RAB22A: variants seen among roughly 807,000 people sequenced by gnomAD.
The protein encoded by RAB22A is ras-related protein Rab-22A.
A neutral mutation model predicts 30.2 loss-of-function variants in RAB22A; 13 were observed. The observed-to-expected ratio is 0.43, with a 90% CI of 0.28 to 0.68. The LOEUF is 0.68. Ranked by LOEUF, RAB22A falls within the 30% of genes least tolerant of loss-of-function variation. The pLI is 0.18. For synonymous variants in RAB22A, 89 were observed against 87.2 expected, an observed-to-expected ratio of 1.02 and a Z score of -0.11; for missense variants, 177 against 246.8, an observed-to-expected ratio of 0.72 and a Z score of 1.89.
intron 2 of RAB22A, among the ~76,000 whole-genome samples, chr20:58,324,617 C>T (rs1004814695): frequency 6.6e-6 from 1 of 152,176 alleles, no homozygotes; most frequent in African/African-American, 2.4e-5. Flanking sequence ...GCCTGTAATC[C>T]CAGCACTTTG....
At chr20:58,344,734 G>A (rs111626487) in intron 3 of RAB22A, among the ~76,000 whole-genome samples, 1,763 of 152,330 alleles carry the variant, frequency 0.012, 14 homozygotes, top group Non-Finnish European at 0.018. Flanking sequence ...GATAGTGTGT[G>A]TAGTATGAAA....
intron 2 of RAB22A, among the ~76,000 whole-genome samples, chr20:58,335,412 A>G (rs575823816): frequency 2.6e-5 from 4 of 152,196 alleles, no homozygotes; most frequent in African/African-American, 9.7e-5. Context: ...ATCATGGTGC[A>G]GGTACTCAAT....
Position 58,362,642 on chromosome 20 carries a change from A to C in RAB22A, c.*2939A>C, listed in dbSNP as rs1034418057. The stretch of plus-strand genomic sequence containing the variant: ...TTTTCTGATTCTATGATAACTAATT[A>C]ACCATCATCTGGTGATTAAAAGAAC... On this transcript the variant is annotated 3_prime_UTR_variant, in exon 7 of 7. Transcript: ENST00000244040. 6 of 152,280 alleles carry C rather than the reference A, an allele frequency of 3.9e-5. No individual in the cohort carries two copies. Among genetic ancestry groups the C allele is most frequent in the Non-Finnish European group, 8.8e-5 (6 of 68,050 alleles). 9.4% of individuals were successfully genotyped at this position (152,280 alleles called of 1,614,324 possible).
At chr20:58,325,075 G>C (rs1166203332) in intron 2 of RAB22A, among the ~76,000 whole-genome samples, 2 of 147,732 alleles carry the variant, frequency 1.4e-5, no homozygotes, top group Non-Finnish European at 3.0e-5. Flanking sequence ...TACTCAGGAG[G>C]CTGAGGCAGG....
In RAB22A at chr20:58,365,015, G is replaced by A. The variant is rs565913936; in HGVS notation, c.*5312G>A. The A allele has an allele frequency of 3.9e-5, 6 of 152,266 alleles. No homozygotes were observed. Among genetic ancestry groups the A allele is most frequent in the South Asian group, 4.1e-4 (2 of 4,832 alleles). The allele number at this position is 152,266 out of a possible 1,614,324, so 9.4% of individuals were successfully genotyped here. On this transcript the variant is annotated 3_prime_UTR_variant, in exon 7 of 7. Transcript: ENST00000244040. Reference sequence around the variant, plus strand: ...TTCGCAACATTCTGGGATTACAGACGTGAGCCACCGCGCCCAACCAGTAAC... The same window carrying A: ...TTCGCAACATTCTGGGATTACAGACATGAGCCACCGCGCCCAACCAGTAAC...
chr20:58,351,781 C>A (rs1042660989), intron 3 of RAB22A, among the ~76,000 whole-genome samples: 1 of 152,234 alleles, frequency 6.6e-6, no homozygotes, highest in African/African-American at 2.4e-5. Flanking sequence ...CCATTGCACT[C>A]CAGCCTAGAC....
intron 3 of RAB22A, among the ~76,000 whole-genome samples, chr20:58,347,184 C>T (rs1236650679): frequency 6.6e-6 from 1 of 152,218 alleles, no homozygotes; most frequent in Non-Finnish European, 1.5e-5. Context: ...ACCATTCAGA[C>T]ATCCTCCCCA....
intron 6 of RAB22A, among the ~76,000 whole-genome samples, chr20:58,354,696 T>C (rs1987104733): frequency 6.6e-6 from 1 of 152,192 alleles, no homozygotes; most frequent in Non-Finnish European, 1.5e-5. Context: ...CCCTTCCCTT[T>C]CCAGAAGTGT....
At chr20:58,321,364 CAAAAAAA>C (rs969305503) in intron 2 of RAB22A, among the ~76,000 whole-genome samples, 1 of 142,094 alleles carries the variant, frequency 7.0e-6, no homozygotes, top group Non-Finnish European at 1.5e-5. Flanking sequence ...AACTCCGTGT[CAAAAAAA>C]AAAAGTCTAT....
chr20:58,320,360 G>GT (rs894829694), intron 2 of RAB22A, among the ~76,000 whole-genome samples: 14 of 151,986 alleles, frequency 9.2e-5, no homozygotes, highest in East Asian at 3.9e-4. Flanking sequence ...TCGTATCTCT[G>GT]TTTTTTTTAA....
intron 2 of RAB22A, among the ~76,000 whole-genome samples, chr20:58,319,685 A>G (rs529785798): frequency 3.1e-4 from 47 of 152,204 alleles, no homozygotes; most frequent in Admixed American, 1.0e-3. Context: ...ATCCAGGAAC[A>G]TGATATATTC....
At position 58,367,456 on chromosome 20, in the gene RAB22A, T is replaced by G. The variant is rs1987338939; in HGVS notation, c.*7753T>G. Reference sequence around the variant, plus strand: ...ATAACATGCTAAATCACTGTTTTGTTGTAAGAAGGGTGTAAACATTTTGTT... The same window carrying G: ...ATAACATGCTAAATCACTGTTTTGTGGTAAGAAGGGTGTAAACATTTTGTT... On this transcript the variant is annotated 3_prime_UTR_variant, in exon 7 of 7. Transcript: ENST00000244040. 1 of 152,670 alleles carries G rather than the reference T, an allele frequency of 6.6e-6. No individual in the cohort carries two copies. The highest frequency in any genetic ancestry group is 6.5e-5 in the Admixed American group (1 of 15,280). The allele number at this position is 152,670 out of a possible 1,614,324, so 9.5% of individuals were successfully genotyped here.
chr20:58,310,153 C>A (rs1600719748), intron 1 of RAB22A, 141 bp downstream of exon 1: 1 of 875,004 alleles, frequency 1.1e-6, no homozygotes, highest in Non-Finnish European at 1.5e-6. Flanking sequence ...CCCTCCAGCT[C>A]GGGAGCCGTC....
chr20:58,321,262 G>A (rs1225063749), intron 2 of RAB22A, among the ~76,000 whole-genome samples: 1 of 152,030 alleles, frequency 6.6e-6, no homozygotes, highest in African/African-American at 2.4e-5. Flanking sequence ...TACTGGGGAG[G>A]CTGAGGCAGG....
At position 58,314,909 on chromosome 20, in the gene RAB22A, G is replaced by A. The variant is rs143043540; in HGVS notation, c.116+3787G>A. On this transcript the variant is annotated intron_variant, in intron 2 of 6. Coordinates refer to ENST00000244040, the MANE Select transcript of RAB22A (RefSeq NM_020673.3). Reference sequence around the variant, plus strand: ...GAAGTAGTTGGTGGTGGTGAGGGACGGTGGGTAGAAAAGAACCAGAATGGG... The same window carrying A: ...GAAGTAGTTGGTGGTGGTGAGGGACAGTGGGTAGAAAAGAACCAGAATGGG... 4.0e-3 allele frequency among the ~76,000 whole-genome samples: 606 copies of A among 152,134 alleles called. 4 individuals are homozygous for A. Among genetic ancestry groups the A allele is most frequent in the African/African-American group, 0.014 (582 of 41,514 alleles).
At chr20:58,346,204 G>C (rs554124688) in intron 3 of RAB22A, among the ~76,000 whole-genome samples, 1 of 152,144 alleles carries the variant, frequency 6.6e-6, no homozygotes, top group Non-Finnish European at 1.5e-5. Flanking sequence ...TAGCCTTTTC[G>C]TGGGTCCCCT....
chr20:58,351,622 T>C (rs1224669103), intron 3 of RAB22A, among the ~76,000 whole-genome samples: 2 of 152,214 alleles, frequency 1.3e-5, no homozygotes, highest in African/African-American at 4.8e-5. Flanking sequence ...AAGACCAGAC[T>C]GACCAACATG....
chr20:58,333,039 GAGGCCA>G, intron 2 of RAB22A, among the ~76,000 whole-genome samples: 1 of 152,138 alleles, frequency 6.6e-6, no homozygotes, highest in African/African-American at 2.4e-5. Flanking sequence ...AGTACTTCTG[GAGGCCA>G]AGGCAAGTGG....
At chr20:58,346,212 C>T (rs923638429) in intron 3 of RAB22A, among the ~76,000 whole-genome samples, 9 of 152,236 alleles carry the variant, frequency 5.9e-5, no homozygotes, top group Admixed American at 5.2e-4. Flanking sequence ...TCGTGGGTCC[C>T]CTGCTTTCCC....
Sources: gnomAD v4.1 joint callset for allele counts (sites outside exome capture counted in the v4.1 genomes callset) on GRCh38, gnomAD v4.1.1 for gene constraint, MANE v1.5 for transcripts, NCBI Gene and HGNC (gene_info 2026-07-23, HGNC 2026-07-21) for gene names.